The following TLN2 variants were observed in gnomAD, a reference collection of about 807,000 sequenced individuals.
TLN2 encodes the protein talin 2.
A neutral mutation model predicts 294.7 loss-of-function variants in TLN2; 118 were observed. The observed-to-expected ratio is 0.40, with a 90% CI of 0.34 to 0.47. TLN2 has a LOEUF of 0.47. Ranked by LOEUF, TLN2 falls within the 20% of genes least tolerant of loss-of-function variation. TLN2 has a pLI of 0.84. For synonymous variants in TLN2, 1,431 were observed against 1,304.5 expected, an observed-to-expected ratio of 1.10 and a Z score of -2.09; for missense variants, 3,083 against 3,282.2, an observed-to-expected ratio of 0.94 and a Z score of 1.48.
At chr15:62,639,469 C>T (rs778564985) in intron 3 of TLN2, among the ~76,000 whole-genome samples, 18 of 152,274 alleles carry the variant, frequency 1.2e-4, no homozygotes, top group South Asian at 6.2e-4. Context: ...TGAGTTTTAA[C>T]GATAGTCATT....
At chr15:62,439,029 AAG>A (rs1400315990) in intron 1 of TLN2, among the ~76,000 whole-genome samples, 6 of 152,232 alleles carry the variant, frequency 3.9e-5, no homozygotes, top group African/African-American at 1.4e-4. Context: ...ATTAGGGAAA[AAG>A]ATAATTATAT....
chr15:62,450,514 T>TC (rs1491230353), intron 1 of TLN2, among the ~76,000 whole-genome samples: 3 of 60,300 alleles, frequency 5.0e-5, no homozygotes, highest in Non-Finnish European at 1.2e-4. Context: ...CCCCATCGTG[T>TC]ATGTATGTAT....
intron 1 of TLN2, among the ~76,000 whole-genome samples, chr15:62,563,386 A>G (rs1231087984): frequency 6.6e-6 from 1 of 152,130 alleles, no homozygotes; most frequent in Non-Finnish European, 1.5e-5. Flanking sequence ...GGCCGTTTGT[A>G]TACCTTCTTT....
intron 1 of TLN2, among the ~76,000 whole-genome samples, chr15:62,405,921 C>T (rs1214284510): frequency 1.3e-5 from 2 of 152,312 alleles, no homozygotes; most frequent in East Asian, 1.9e-4. Flanking sequence ...GAGCCTGCAG[C>T]AATGCCTTGT....
At chr15:62,648,693 G>A (rs1045181517) in intron 4 of TLN2, among the ~76,000 whole-genome samples, 2 of 151,798 alleles carry the variant, frequency 1.3e-5, no homozygotes, top group Admixed American at 6.6e-5. Flanking sequence ...GATTACAGGT[G>A]CACACCACCA....
At chr15:62,564,917 A>ATATATATATATATATAT (rs1262371986) in intron 1 of TLN2, among the ~76,000 whole-genome samples, 1 of 124,658 alleles carries the variant, frequency 8.0e-6, no homozygotes, top group African/African-American at 3.1e-5. Context: ...AAAAAAAAAA[A>ATATATATATATATATAT]AAAAAAAAAT....
chr15:62,481,017 G>A (rs1446120578), intron 1 of TLN2, among the ~76,000 whole-genome samples: 1 of 152,196 alleles, frequency 6.6e-6, no homozygotes, highest in Non-Finnish European at 1.5e-5. Flanking sequence ...CTGTGGCTGA[G>A]TACCCATGCT....
At chr15:62,772,673 T>C (rs948662962) in intron 42 of TLN2, among the ~76,000 whole-genome samples, 67 of 152,158 alleles carry the variant, frequency 4.4e-4, no homozygotes, top group African/African-American at 1.5e-3. Flanking sequence ...ATTTATTTTT[T>C]TTTTTTGAGA....
intron 1 of TLN2, among the ~76,000 whole-genome samples, chr15:62,515,701 G>T (rs1391480041): frequency 6.6e-6 from 1 of 151,278 alleles, no homozygotes; most frequent in Non-Finnish European, 1.5e-5. Flanking sequence ...TGCCTTCTGT[G>T]CATGTTGGGG....
At chr15:62,558,860 G>C (rs181546708) in intron 1 of TLN2, among the ~76,000 whole-genome samples, 1 of 152,154 alleles carries the variant, frequency 6.6e-6, no homozygotes, top group Non-Finnish European at 1.5e-5. Flanking sequence ...AGCTGTCTGC[G>C]GTGGTTAACC....
At chr15:62,441,739 G>A (rs1595811852) in intron 1 of TLN2, among the ~76,000 whole-genome samples, 1 of 152,262 alleles carries the variant, frequency 6.6e-6, no homozygotes, top group Non-Finnish European at 1.5e-5. Flanking sequence ...AAAGGGAGAG[G>A]GGCCAGAGGT....
At chr15:62,561,157 G>A (rs541074271) in intron 1 of TLN2, among the ~76,000 whole-genome samples, 11 of 152,302 alleles carry the variant, frequency 7.2e-5, no homozygotes, top group East Asian at 1.9e-4. Context: ...TTTGAGTGGC[G>A]GGAATAATAG....
intron 16 of TLN2, among the ~76,000 whole-genome samples, chr15:62,699,190 G>C (rs182569921): frequency 6.6e-6 from 1 of 152,266 alleles, no homozygotes. Context: ...TTTGTCATCT[G>C]TAAATAGAGT....
intron 23 of TLN2, among the ~76,000 whole-genome samples, chr15:62,717,205 A>G (rs191274228): frequency 2.0e-5 from 3 of 152,264 alleles, no homozygotes; most frequent in East Asian, 3.9e-4. Context: ...GGGCACCAGC[A>G]TTTGTGCTTG....
intron 1 of TLN2, among the ~76,000 whole-genome samples, chr15:62,494,727 AG>A (rs1042575285): frequency 6.6e-6 from 1 of 151,988 alleles, no homozygotes; most frequent in African/African-American, 2.4e-5. Context: ...TTTAAGAAAG[AG>A]GAAAAAAAAG....
chr15:62,714,364 G>A (rs974890222), intron 22 of TLN2, among the ~76,000 whole-genome samples: 2 of 151,654 alleles, frequency 1.3e-5, no homozygotes, highest in African/African-American at 2.4e-5. Context: ...CACCACGCCC[G>A]GCTAATTTTT....
chr15:62,835,797 G>A lies in TLN2; in HGVS notation c.7189G>A (p.Ala2397Thr), dbSNP rs144866965. The A allele has an allele frequency of 6.2e-7, 1 of 1,614,216 alleles. No individual in the cohort carries two copies. Among genetic ancestry groups the A allele is most frequent in the Non-Finnish European group, 8.5e-7 (1 of 1,180,036 alleles). ...ACAGTGGTCACAGGGGCTGATTTCTGCTGTGAGTTGCCTTCTCCTTCCTCC... is the reference window on the plus strand; with the variant it reads ...ACAGTGGTCACAGGGGCTGATTTCTACTGTGAGTTGCCTTCTCCTTCCTCC... Reference protein sequence around the residue: ...DGQWSQGLISAARMVAAATSS... With the variant: ...DGQWSQGLISTARMVAAATSS... The change falls in exon 56 of 59, where the codon GCT becomes ACT. Residue 2397 changes from alanine to threonine, a missense_variant and splice_region_variant. Transcript: ENST00000636159.
chr15:62,733,791 G>C (rs981904392), intron 28 of TLN2: 15 of 152,326 alleles, frequency 9.8e-5, no homozygotes, highest in African/African-American at 3.6e-4. Flanking sequence ...GTTTTCAAAG[G>C]ACTGTGGTTA....
Position 62,462,842 on chromosome 15 carries a change from C to T in TLN2, c.-238+72157C>T, listed in dbSNP as rs145566666. ...TTCCCTCGTTCATTGCCTTGTGTCTCATCTTTAATGAAAATGCCCTTGTTA... is the reference window on the plus strand; with the variant it reads ...TTCCCTCGTTCATTGCCTTGTGTCTTATCTTTAATGAAAATGCCCTTGTTA... On this transcript the variant is annotated intron_variant, in intron 1 of 58. Transcript: ENST00000636159. Among the ~76,000 whole-genome samples the T allele has an allele frequency of 1.6e-3, 249 of 152,274 alleles. 1 individual carries two copies. Among genetic ancestry groups the T allele is most frequent in the African/African-American group, 5.7e-3 (238 of 41,542 alleles).
Sources: allele counts gnomAD v4.1 joint callset (sites outside exome capture counted in the v4.1 genomes callset), GRCh38; gene constraint gnomAD v4.1.1; transcripts MANE v1.5; gene names NCBI Gene and HGNC (gene_info 2026-07-23, HGNC 2026-07-21).